Variants in DOK6 observed in about 807,000 individuals in gnomAD.
DOK6 encodes downstream of tyrosine kinase 6.
In DOK6, 22 loss-of-function variants were observed where a neutral mutation model predicts 44.0. That is an observed-to-expected ratio of 0.50 (90% CI 0.36 to 0.71). DOK6 has a LOEUF of 0.71. DOK6 is among the 30% of genes least tolerant of loss of function. DOK6 has a pLI of 0.00. For missense variants in DOK6, 340 were observed against 416.4 expected, an observed-to-expected ratio of 0.82 and a Z score of 1.60; for synonymous variants, 166 against 145.5, an observed-to-expected ratio of 1.14 and a Z score of -1.01.
intron 7 of DOK6, among the ~76,000 whole-genome samples, chr18:69,829,098 C>T (rs963950523): frequency 6.7e-6 from 1 of 150,344 alleles, no homozygotes; most frequent in South Asian, 2.1e-4. Flanking sequence ...CAGATCAGTA[C>T]ACCACTTGAA....
intron 2 of DOK6, among the ~76,000 whole-genome samples, chr18:69,575,249 G>A (rs1194613847): frequency 6.6e-6 from 1 of 152,036 alleles, no homozygotes; most frequent in African/African-American, 2.4e-5. Context: ...CATATGAGGA[G>A]CAGTTTTCAC....
intron 5 of DOK6, among the ~76,000 whole-genome samples, chr18:69,717,648 CA>C (rs1335332561): frequency 1.3e-5 from 2 of 152,120 alleles, no homozygotes; most frequent in African/African-American, 4.8e-5. Flanking sequence ...GTGTAACTGG[CA>C]AGCCAAAGTA....
At chr18:69,416,701 C>T (rs1568250559) in intron 1 of DOK6, among the ~76,000 whole-genome samples, 1 of 152,124 alleles carries the variant, frequency 6.6e-6, no homozygotes, top group Admixed American at 6.6e-5. Flanking sequence ...TCTACTGTCT[C>T]TGAGCTGATG....
intron 1 of DOK6, among the ~76,000 whole-genome samples, chr18:69,469,013 T>C (rs752593724): frequency 1.3e-5 from 2 of 152,178 alleles, no homozygotes; most frequent in Non-Finnish European, 2.9e-5. Context: ...GAAAATGATA[T>C]CCTCTCTATC....
At chr18:69,788,946 A>G (rs1257368897) in intron 7 of DOK6, among the ~76,000 whole-genome samples, 4 of 152,242 alleles carry the variant, frequency 2.6e-5, no homozygotes, top group African/African-American at 4.8e-5. Context: ...ACAATAGTGT[A>G]TATGACTTCA....
At chr18:69,786,635 G>T (rs978403929) in intron 7 of DOK6, among the ~76,000 whole-genome samples, 1 of 152,164 alleles carries the variant, frequency 6.6e-6, no homozygotes. Flanking sequence ...GACATACAAT[G>T]TATAGTTTCA....
At chr18:69,607,212 G>C (rs544572123) in intron 3 of DOK6, among the ~76,000 whole-genome samples, 1 of 152,176 alleles carries the variant, frequency 6.6e-6, no homozygotes, top group Non-Finnish European at 1.5e-5. Context: ...TTACCCCCAG[G>C]GGGAGTGAGC....
chr18:69,670,592 C>T (rs1985774128), intron 3 of DOK6, among the ~76,000 whole-genome samples: 1 of 151,312 alleles, frequency 6.6e-6, no homozygotes, highest in Admixed American at 6.6e-5. Context: ...TCACTGCAAC[C>T]TCTGCCTCCC....
Position 69,585,256 on chromosome 18 carries a change from TG to T in DOK6, c.175-14127del, listed in dbSNP as rs564413155. Among the ~76,000 whole-genome samples the T allele has an allele frequency of 1.3e-3, 201 of 152,002 alleles. 1 individual carries two copies. Among genetic ancestry groups the T allele is most frequent in the Non-Finnish European group, 2.6e-3 (177 of 67,924 alleles). The stretch of plus-strand genomic sequence containing the variant: ...TAACTTATAATTTCCTTTTAACTCA[TG>T]TTTTTTAGAAATCTGCTATTTATTT... On this transcript the variant is annotated intron_variant, in intron 2 of 7. Coordinates refer to ENST00000382713, the MANE Select transcript of DOK6 (RefSeq NM_152721.6).
intron 1 of DOK6, among the ~76,000 whole-genome samples, chr18:69,563,552 C>CA (rs1208659793): frequency 4.8e-5 from 7 of 146,836 alleles, no homozygotes; most frequent in Admixed American, 7.1e-5. Flanking sequence ...ATCACAAGGA[C>CA]AAAAAATCAA....
At chr18:69,733,384 A>G (rs1978483724) in intron 5 of DOK6, among the ~76,000 whole-genome samples, 1 of 152,176 alleles carries the variant, frequency 6.6e-6, no homozygotes, top group Admixed American at 6.5e-5. Context: ...AAAGATGCAT[A>G]TAAATTCTTC....
At chr18:69,633,795 G>A (rs11661906) in intron 3 of DOK6, among the ~76,000 whole-genome samples, 65,124 of 151,952 alleles carry the variant, frequency 0.43, 15,998 homozygotes, top group Non-Finnish European at 0.55. Context: ...AGGAGTATAT[G>A]TTGAAGAAAT....
chr18:69,780,320 G>T (rs1047532564), intron 7 of DOK6, among the ~76,000 whole-genome samples: 1 of 152,152 alleles, frequency 6.6e-6, no homozygotes, highest in Non-Finnish European at 1.5e-5. Context: ...GGCTAGGCAC[G>T]GTGGCTCATG....
intron 7 of DOK6, among the ~76,000 whole-genome samples, chr18:69,815,597 T>C (rs1981375441): frequency 6.6e-6 from 1 of 152,110 alleles, no homozygotes; most frequent in Non-Finnish European, 1.5e-5. Context: ...GCAAATGAAA[T>C]GACAAGTAAG....
chr18:69,540,752 A>AC (rs35440058), intron 1 of DOK6, among the ~76,000 whole-genome samples: 16,855 of 152,166 alleles, frequency 0.11, 1,874 homozygotes, highest in African/African-American at 0.29. Flanking sequence ...GAAATTAATT[A>AC]CCTTATGCTT....
At chr18:69,677,584 T>C in intron 3 of DOK6, 150 bp from the exon 4 acceptor site, 6 of 1,315,368 alleles carry the variant, frequency 4.6e-6, no homozygotes, top group Non-Finnish European at 6.2e-6. Flanking sequence ...TTGGGACTTA[T>C]TTTCACTTCC....
intron 2 of DOK6, among the ~76,000 whole-genome samples, chr18:69,571,180 T>C (rs577405703): frequency 1.3e-5 from 2 of 152,044 alleles, no homozygotes; most frequent in Admixed American, 6.6e-5. Flanking sequence ...TAAGTAGACT[T>C]GGAAAAATTA....
intron 1 of DOK6, among the ~76,000 whole-genome samples, chr18:69,517,286 C>T (rs368745298): frequency 2.9e-4 from 44 of 152,160 alleles, no homozygotes; most frequent in Middle Eastern, 6.8e-3. Flanking sequence ...AATTAGATCT[C>T]CATATGACCA....
At position 69,471,767 on chromosome 18, in the gene DOK6, A is replaced by G. The variant is rs147157321; in HGVS notation, c.66+70457A>G. Reference sequence around the variant, plus strand: ...GAGTGAATTGCCATTTGCTTCAGGAAAACTGTCACTTGCTCTATTCAAATA... The same window carrying G: ...GAGTGAATTGCCATTTGCTTCAGGAGAACTGTCACTTGCTCTATTCAAATA... On this transcript the variant is annotated intron_variant, in intron 1 of 7. Transcript: ENST00000382713. 550 of 152,224 alleles carry G rather than the reference A, an allele frequency of 3.6e-3. 2 individuals are homozygous for G. The highest frequency in any genetic ancestry group is 0.013 in the African/African-American group (528 of 41,546). 9.4% of individuals were successfully genotyped at this position (152,224 alleles called of 1,614,324 possible).
Sources: allele counts gnomAD v4.1 joint callset (sites outside exome capture counted in the v4.1 genomes callset), GRCh38; gene constraint gnomAD v4.1.1; transcripts MANE v1.5; gene names NCBI Gene and HGNC (gene_info 2026-07-23, HGNC 2026-07-21).